ARHGEF18: variants seen among roughly 807,000 people sequenced by gnomAD.
ARHGEF18 encodes rho guanine nucleotide exchange factor 18.
A neutral mutation model predicts 155.7 loss-of-function variants in ARHGEF18; 93 were observed. That is an observed-to-expected ratio of 0.60 (90% CI 0.50 to 0.71). ARHGEF18 has a LOEUF of 0.71. ARHGEF18 is among the 30% of genes least tolerant of loss of function. The pLI is 0.00. For missense variants in ARHGEF18, 1,593 were observed against 1,816.1 expected (o/e 0.88, Z 2.23); for synonymous variants, 742 against 753.1 (o/e 0.99, Z 0.24).
At chr19:7,424,556 G>T (rs1973544841) in intron 10 of ARHGEF18, among the ~76,000 whole-genome samples, 1 of 152,194 alleles carries the variant, frequency 6.6e-6, no homozygotes, top group Non-Finnish European at 1.5e-5. Flanking sequence ...TGAAATACTT[G>T]TGTGTTCCCT....
chr19:7,375,412 A>T (rs1970411423), intron 3 of ARHGEF18, among the ~76,000 whole-genome samples: 2 of 100,940 alleles, frequency 2.0e-5, no homozygotes, highest in Non-Finnish European at 4.9e-5. Context: ...GGAAGGAAGA[A>T]AAGGAAGGAA....
Position 7,468,869 on chromosome 19 carries a change from G to A in ARHGEF18, c.3525G>A (p.Leu1175=), listed in dbSNP as rs933546333. 2 of 1,572,390 alleles carry A rather than the reference G, an allele frequency of 1.3e-6. No homozygotes were observed. Among genetic ancestry groups the A allele is most frequent in the African/African-American group, 2.7e-5 (2 of 73,852 alleles). ...SHPPSFNGEG[L]EGPRVSMLPS... is the part of the protein sequence containing the mutation. ...CTCCCAGCTTCAACGGGGAAGGGCT[G>A]GAGGGCCCTCGTGTGAGCATGCTGC... Residue 1175 remains leucine (L), a synonymous_variant, in exon 27 of 29, where the codon CTG becomes CTA. Coordinates refer to ENST00000668164, the MANE Select transcript of ARHGEF18 (RefSeq NM_001367823.1).
intron 17 of ARHGEF18, among the ~76,000 whole-genome samples, chr19:7,454,281 CTT>C (rs1975693478): frequency 6.6e-6 from 1 of 151,788 alleles, no homozygotes; most frequent in African/African-American, 2.4e-5. Context: ...GTGGCACAGT[CTT>C]AGGAATGATG....
chr19:7,352,873 G>A (rs1313613222), intron 1 of ARHGEF18, among the ~76,000 whole-genome samples: 1 of 97,600 alleles, frequency 1.0e-5, no homozygotes, highest in Admixed American at 1.6e-4. Context: ...CTCTTGCTCT[G>A]TCATCCAAGC....
At chr19:7,434,057 C>CT (rs1219523763) in intron 10 of ARHGEF18, among the ~76,000 whole-genome samples, 4 of 149,828 alleles carry the variant, frequency 2.7e-5, no homozygotes, top group Non-Finnish European at 5.9e-5. Context: ...AGTATGGAGT[C>CT]TTTTGTCCCA....
chr19:7,435,159 C>T (rs6603064), intron 10 of ARHGEF18, among the ~76,000 whole-genome samples: 60,932 of 151,312 alleles, frequency 0.4, 12,911 homozygotes, highest in East Asian at 0.6. Flanking sequence ...AGATCACCCT[C>T]ACTGTTTTCC....
rs996338990 is a variant in ARHGEF18, at chr19:7,383,177, T to A, written c.941T>A (p.Leu314Gln). Reference protein sequence around the residue: ...GTFSGPSSCPLCGKPFLSSAS... With the variant: ...GTFSGPSSCPQCGKPFLSSAS... ...TTCTCCGGCCCCTCCAGCTGCCCCC[T>A]GTGTGGCAAACCTTTCTTGAGCTCA... Residue 314 changes from leucine to glutamine, a missense_variant, in exon 10 of 29, where the codon CTG becomes CAG. Coordinates refer to ENST00000668164, the MANE Select transcript of ARHGEF18 (RefSeq NM_001367823.1). The A allele has an allele frequency of 3.4e-5, 42 of 1,232,096 alleles. No individual in the cohort carries two copies. The highest frequency in any genetic ancestry group is 1.7e-4 in the Admixed American group (4 of 23,686). The allele number at this position is 1,232,096 out of a possible 1,614,324, so 76.3% of individuals were successfully genotyped here. A position where few individuals can be genotyped will look rare whatever the true frequency, so the allele number is the denominator to read the frequency against.
chr19:7,458,810 C>T, intron 19 of ARHGEF18, 120 bp downstream of exon 19: 2 of 1,170,364 alleles, frequency 1.7e-6, no homozygotes, highest in Non-Finnish European at 2.3e-6. Flanking sequence ...GCTTGGGACC[C>T]ATGACGCCAT....
chr19:7,449,864 G>T (rs1056224963), intron 15 of ARHGEF18, among the ~76,000 whole-genome samples: 1 of 152,096 alleles, frequency 6.6e-6, no homozygotes, highest in African/African-American at 2.4e-5. Flanking sequence ...TTTTTGTAGA[G>T]ATGGGGTCTT....
chr19:7,397,269 T>G (rs1266536596), intron 10 of ARHGEF18, among the ~76,000 whole-genome samples: 1 of 152,046 alleles, frequency 6.6e-6, no homozygotes, highest in Non-Finnish European at 1.5e-5. Context: ...ACTTAAAATT[T>G]TTTTTTTCTT....
At chr19:7,358,942 C>A (rs545317882) in intron 1 of ARHGEF18, among the ~76,000 whole-genome samples, 60 of 152,294 alleles carry the variant, frequency 3.9e-4, no homozygotes, top group African/African-American at 1.4e-3. Flanking sequence ...CCCTCACAGA[C>A]CTCATGCTCT....
chr19:7,378,109 G>C (rs1023533104), intron 5 of ARHGEF18, among the ~76,000 whole-genome samples: 2 of 152,012 alleles, frequency 1.3e-5, no homozygotes, highest in Non-Finnish European at 2.9e-5. Flanking sequence ...AAAAGGGGAG[G>C]GGGGACAATA....
chr19:7,431,682 C>T (rs890922666), intron 10 of ARHGEF18, among the ~76,000 whole-genome samples: 24 of 151,990 alleles, frequency 1.6e-4, no homozygotes, highest in African/African-American at 3.4e-4. Context: ...GGCGTGGCGG[C>T]GCATGCCTGT....
chr19:7,463,930 C>T lies in ARHGEF18; in HGVS notation c.2748C>T (p.Tyr916=), dbSNP rs374851624. 5.3e-5 allele frequency: 85 copies of T among 1,593,520 alleles called. No homozygotes were observed. Among genetic ancestry groups the T allele is most frequent in the Non-Finnish European group, 7.0e-5 (82 of 1,170,604 alleles). ...GGAGGGCTGAGACCTTCGCGGGCTA[C>T]GACTGCACAAACAGCCCCACCAAGA... is the stretch of plus-strand genomic sequence containing the variant. ...PPRRAETFAG[Y]DCTNSPTKNG... The change falls in exon 22 of 29, where the codon TAC becomes TAT. Residue 916 remains tyrosine, a synonymous_variant. Transcript: ENST00000668164. This position sits in a 1 kb window ranked among gnomAD's most constrained non-coding sequence, Gnocchi z 5.2.
intron 20 of ARHGEF18, among the ~76,000 whole-genome samples, chr19:7,460,539 C>G (rs1358741435): frequency 6.7e-6 from 1 of 149,116 alleles, no homozygotes; most frequent in Non-Finnish European, 1.5e-5. Context: ...TCCCCCTTAA[C>G]AGTCACTCCC....
chr19:7,400,735 G>A (rs565204663), intron 10 of ARHGEF18, among the ~76,000 whole-genome samples: 2 of 152,240 alleles, frequency 1.3e-5, no homozygotes, highest in African/African-American at 4.8e-5. Flanking sequence ...TTGGGAGGCT[G>A]GAATGGAAGG....
chr19:7,424,909 G>A (rs868014246), intron 10 of ARHGEF18, among the ~76,000 whole-genome samples: 2 of 151,618 alleles, frequency 1.3e-5, no homozygotes, highest in African/African-American at 2.4e-5. Flanking sequence ...CAGGAGAATC[G>A]CTGGAACCCG....
At chr19:7,376,533 C>T (rs1226586776) in intron 4 of ARHGEF18, 110 bp from the exon 5 acceptor site, 4 of 554,872 alleles carry the variant, frequency 7.2e-6, no homozygotes, top group East Asian at 3.5e-5. Flanking sequence ...AGTGTGTCAC[C>T]CCATTTCTGT....
chr19:7,389,557 G>A (rs1413154929), intron 10 of ARHGEF18, among the ~76,000 whole-genome samples: 4 of 133,360 alleles, frequency 3.0e-5, no homozygotes, highest in African/African-American at 1.1e-4. Flanking sequence ...TTTTTGAGAT[G>A]GAGTCTTGCT....
Sources: gnomAD v4.1 joint callset for allele counts (sites outside exome capture counted in the v4.1 genomes callset) on GRCh38, gnomAD v4.1.1 for gene constraint, Gnocchi (gnomAD v3.1) non-coding constraint, MANE v1.5 for transcripts, NCBI Gene and HGNC (gene_info 2026-07-23, HGNC 2026-07-21) for gene names.